Variants in OXR1 observed in about 807,000 individuals in gnomAD.
OXR1 encodes the protein oxidation resistance protein 1.
OXR1 carries 41 observed loss-of-function variants against 104.6 expected under a neutral mutation model. The ratio of observed to expected loss-of-function variants is 0.39; its 90% CI spans 0.31 to 0.51. The LOEUF is 0.51. Ranked by LOEUF, OXR1 falls within the 20% of genes least tolerant of loss-of-function variation. The pLI is 0.77. For synonymous variants in OXR1, 348 were observed against 348.4 expected (o/e 1.00, Z 0.01); for missense variants, 955 against 1,031.9 (o/e 0.93, Z 1.02).
At chr8:106,639,951 A>C (rs1251993778) in intron 3 of OXR1, among the ~76,000 whole-genome samples, 1 of 152,204 alleles carries the variant, frequency 6.6e-6, no homozygotes, top group Non-Finnish European at 1.5e-5. Flanking sequence ...AGGTAGTCAC[A>C]GTGCCCTTTG....
chr8:106,696,172 C>T (rs541471386), intron 7 of OXR1, among the ~76,000 whole-genome samples: 5 of 152,124 alleles, frequency 3.3e-5, no homozygotes, highest in Non-Finnish European at 4.4e-5. Flanking sequence ...GTCTTACTCT[C>T]TCTGTAGTTT....
chr8:106,521,747 C>A (rs1813279602), intron 3 of OXR1, among the ~76,000 whole-genome samples: 1 of 152,230 alleles, frequency 6.6e-6, no homozygotes, highest in Admixed American at 6.5e-5. Context: ...CTCCTGACCT[C>A]AAGATCTGCC....
intron 2 of OXR1, among the ~76,000 whole-genome samples, chr8:106,510,872 C>T (rs1421304508): frequency 2.0e-5 from 3 of 152,206 alleles, no homozygotes; most frequent in Non-Finnish European, 4.4e-5. Context: ...TTCAGCATCC[C>T]ATTAACTGTT....
chr8:106,348,554 C>T (rs941285462), intron 1 of OXR1, among the ~76,000 whole-genome samples: 32 of 151,862 alleles, frequency 2.1e-4, no homozygotes, highest in African/African-American at 7.7e-4. Context: ...GGGCAATCCA[C>T]ATGGGTTTGA....
intron 1 of OXR1, among the ~76,000 whole-genome samples, chr8:106,342,245 C>A (rs117604891): frequency 0.099 from 14,757 of 148,838 alleles, 731 homozygotes; most frequent in South Asian, 0.17. Context: ...CTTTTCTTTT[C>A]TTTTTTCTTT....
intron 1 of OXR1, among the ~76,000 whole-genome samples, chr8:106,280,393 G>A (rs1471871442): frequency 2.0e-5 from 3 of 152,156 alleles, no homozygotes; most frequent in African/African-American, 4.8e-5. Context: ...GGCTGTATGG[G>A]GAAAATCTGC....
chr8:106,486,336 G>C (rs1810654103), intron 2 of OXR1, among the ~76,000 whole-genome samples: 1 of 152,012 alleles, frequency 6.6e-6, no homozygotes, highest in Non-Finnish European at 1.5e-5. Flanking sequence ...AATTTCACAA[G>C]CTGCACGCCA....
intron 3 of OXR1, among the ~76,000 whole-genome samples, chr8:106,585,323 C>T (rs1350237174): frequency 2.0e-5 from 3 of 152,074 alleles, no homozygotes; most frequent in African/African-American, 7.2e-5. Context: ...ACTTCTAAAG[C>T]CCACTCCTTT....
intron 3 of OXR1, among the ~76,000 whole-genome samples, chr8:106,613,231 C>A (rs1338638550): frequency 6.6e-6 from 1 of 152,074 alleles, no homozygotes; most frequent in Non-Finnish European, 1.5e-5. Flanking sequence ...GGCTGAATCG[C>A]CAGTAACCCG....
chr8:106,682,729 C>CT (rs573568739), intron 4 of OXR1, among the ~76,000 whole-genome samples: 1 of 152,084 alleles, frequency 6.6e-6, no homozygotes, highest in South Asian at 2.1e-4. Flanking sequence ...AACTAAATAA[C>CT]TCAACTTTAG....
intron 2 of OXR1, among the ~76,000 whole-genome samples, chr8:106,400,830 G>T (rs1026494940): frequency 3.3e-5 from 5 of 152,126 alleles, no homozygotes; most frequent in African/African-American, 1.2e-4. Flanking sequence ...CTGCTGGGTA[G>T]ATTATGACAG....
intron 7 of OXR1, among the ~76,000 whole-genome samples, chr8:106,702,235 C>T (rs1309817070): frequency 1.3e-5 from 2 of 152,178 alleles, no homozygotes; most frequent in Non-Finnish European, 2.9e-5. Flanking sequence ...GCTGGGATTA[C>T]AGGCGTAAGC....
At chr8:106,648,805 T>A (rs976962793) in intron 3 of OXR1, among the ~76,000 whole-genome samples, 19 of 152,174 alleles carry the variant, frequency 1.2e-4, no homozygotes, top group Non-Finnish European at 2.2e-4. Context: ...TTTCAACAGA[T>A]AATAATAAAT....
At chr8:106,431,007 G>T (rs145754997) in intron 2 of OXR1, among the ~76,000 whole-genome samples, 1 of 152,142 alleles carries the variant, frequency 6.6e-6, no homozygotes, top group Non-Finnish European at 1.5e-5. Flanking sequence ...AGACTTTTGA[G>T]GCTGGATCAT....
At chr8:106,588,277 A>G (rs1253897774) in intron 3 of OXR1, among the ~76,000 whole-genome samples, 3 of 150,184 alleles carry the variant, frequency 2.0e-5, no homozygotes, top group Admixed American at 2.0e-4. Context: ...TTTTTTTTTT[A>G]AATAGAAGAA....
At chr8:106,347,125 G>C (rs73701191) in intron 1 of OXR1, among the ~76,000 whole-genome samples, 4,810 of 152,312 alleles carry the variant, frequency 0.032, 94 homozygotes, top group South Asian at 0.11. Context: ...GAAAGCCAAA[G>C]GCTTTTAGAG....
At chr8:106,330,841 G>A (rs565423448) in intron 1 of OXR1, among the ~76,000 whole-genome samples, 1 of 152,134 alleles carries the variant, frequency 6.6e-6, no homozygotes, top group African/African-American at 2.4e-5. Flanking sequence ...AAATACATTA[G>A]AAGCATTTCT....
intron 3 of OXR1, among the ~76,000 whole-genome samples, chr8:106,575,495 T>C (rs1166858460): frequency 6.6e-6 from 1 of 152,136 alleles, no homozygotes; most frequent in African/African-American, 2.4e-5. Context: ...ACCAGCAATG[T>C]TACCATGATT....
intron 2 of OXR1, among the ~76,000 whole-genome samples, chr8:106,419,603 G>C (rs1373627676): frequency 6.6e-6 from 1 of 152,108 alleles, no homozygotes; most frequent in Non-Finnish European, 1.5e-5. Context: ...CTCCCAACAG[G>C]GCAGTTAGAG....
Sources: gnomAD v4.1 joint callset for allele counts (sites outside exome capture counted in the v4.1 genomes callset) on GRCh38, gnomAD v4.1.1 for gene constraint, MANE v1.5 for transcripts, NCBI Gene and HGNC (gene_info 2026-07-23, HGNC 2026-07-21) for gene names.